The following STAG1 variants were observed in gnomAD, a reference collection of about 807,000 sequenced individuals.
STAG1 encodes the protein cohesin subunit SA-1.
STAG1 carries 26 observed loss-of-function variants against 170.9 expected under a neutral mutation model. The observed-to-expected ratio is 0.15, with a 90% CI of 0.11 to 0.21. STAG1 has a LOEUF of 0.21. Ranked by LOEUF, STAG1 falls within the 10% of genes least tolerant of loss-of-function variation. The probability of loss-of-function intolerance (pLI) is 1.00; values close to 1 mark genes in which losing one functional copy is unlikely to be tolerated. For synonymous variants in STAG1, 514 were observed against 497.7 expected (o/e 1.03, Z -0.44); for missense variants, 964 against 1,509.5 (o/e 0.64, Z 5.99).
intron 13 of STAG1, among the ~76,000 whole-genome samples, chr3:136,453,475 C>G (rs1559810455): frequency 6.6e-6 from 1 of 151,624 alleles, no homozygotes; most frequent in Non-Finnish European, 1.5e-5. Flanking sequence ...CCTGTAGTCC[C>G]ACCTACTCGG....
chr3:136,354,926 GA>G (rs944875950), intron 28 of STAG1, among the ~76,000 whole-genome samples: 2 of 151,668 alleles, frequency 1.3e-5, no homozygotes, highest in Non-Finnish European at 2.9e-5. Flanking sequence ...TGAAAGGATG[GA>G]AAAAAAGGTG....
At position 136,692,936 on chromosome 3, in the gene STAG1, C is replaced by T. The variant is rs72975365; in HGVS notation, c.-84+59259G>A. On this transcript the variant is annotated intron_variant, in intron 1 of 33. Transcript: ENST00000383202. Reference sequence around the variant, plus strand: ...GATGATGATGTGGCCCATAAAGAGACAGATGTATGTTTCAATAGGGAATTT... The same window carrying T: ...GATGATGATGTGGCCCATAAAGAGATAGATGTATGTTTCAATAGGGAATTT... 7.8e-3 allele frequency among the ~76,000 whole-genome samples: 1,186 copies of T among 152,156 alleles called. 13 individuals are homozygous for T. The highest frequency in any genetic ancestry group is 0.027 in the African/African-American group (1,130 of 41,510).
chr3:136,560,633 T>C lies in STAG1; in HGVS notation c.394+8132A>G, dbSNP rs79345784. Among the ~76,000 whole-genome samples, 581 of 152,336 alleles carry C rather than the reference T, an allele frequency of 3.8e-3. 14 individuals carry two copies. In the East Asian group the frequency reaches 0.068, roughly 18 times the overall value. On this transcript the variant is annotated intron_variant, in intron 5 of 33. Transcript: ENST00000383202. ...TACTACATATTGAGTTAGCCAATTC[T>C]GAGGTTTCCAATGGTAAACAGAATT...
At chr3:136,551,657 G>A (rs1312123315) in intron 5 of STAG1, among the ~76,000 whole-genome samples, 1 of 151,434 alleles carries the variant, frequency 6.6e-6, no homozygotes, top group Non-Finnish European at 1.5e-5. Flanking sequence ...CTGTTGCCCA[G>A]GCTGAAGTGC....
chr3:136,488,782 G>GT (rs1277333228), intron 9 of STAG1, among the ~76,000 whole-genome samples: 1 of 152,142 alleles, frequency 6.6e-6, no homozygotes, highest in African/African-American at 2.4e-5. Context: ...AAAATGCAGT[G>GT]TAAGTCTAAA....
intron 19 of STAG1, 103 bp from the exon 20 acceptor site, chr3:136,421,266 T>A: frequency 3.5e-6 from 2 of 576,882 alleles, no homozygotes; most frequent in Non-Finnish European, 5.5e-6. Context: ...ATTAATAGTA[T>A]ATATTCATTG....
intron 22 of STAG1, among the ~76,000 whole-genome samples, chr3:136,396,520 CTTTTTTTTTTTTTTT>C (rs146270857): frequency 9.2e-5 from 4 of 43,658 alleles, no homozygotes; most frequent in Middle Eastern, 0.022. Flanking sequence ...CGCGCCTGGC[CTTTTTTTTTTTTTTT>C]TTTTTTTTTT....
At chr3:136,455,728 T>G (rs999792988) in intron 13 of STAG1, among the ~76,000 whole-genome samples, 1 of 152,208 alleles carries the variant, frequency 6.6e-6, no homozygotes, top group African/African-American at 2.4e-5. Flanking sequence ...ATCAAATCCC[T>G]AGATGTATTT....
chr3:136,558,169 G>A (rs1423498923), intron 5 of STAG1, among the ~76,000 whole-genome samples: 13 of 152,058 alleles, frequency 8.5e-5, no homozygotes, highest in African/African-American at 3.1e-4. Flanking sequence ...AGGTGGGCAG[G>A]TCACCTGAGG....
intron 16 of STAG1, among the ~76,000 whole-genome samples, chr3:136,432,583 C>G (rs2088340124): frequency 1.3e-5 from 2 of 151,476 alleles, no homozygotes; most frequent in Admixed American, 1.3e-4. Flanking sequence ...TCTGGGCTCC[C>G]TGCAACCTCT....
intron 1 of STAG1, among the ~76,000 whole-genome samples, chr3:136,656,175 A>C (rs530022964): frequency 8.9e-4 from 136 of 152,258 alleles, no homozygotes; most frequent in African/African-American, 3.1e-3. Context: ...AAAAAAAAAA[A>C]ACACCAAATA....
chr3:136,507,424 T>C lies in STAG1; in HGVS notation c.677-4645A>G, dbSNP rs1933821309. ...TGTCACTCAGAATAGAGCACAGTGG[T>C]GCAATCACAGCTCCCTGCAGCCTCG... is the stretch of plus-strand genomic sequence containing the variant. On this transcript the variant is annotated intron_variant, in intron 7 of 33. Coordinates refer to ENST00000383202, the MANE Select transcript of STAG1 (RefSeq NM_005862.3). Among the ~76,000 whole-genome samples the C allele has an allele frequency of 2.6e-5, 4 of 152,130 alleles. No homozygotes were observed. In the South Asian group the frequency reaches 8.3e-4, roughly 32 times the overall value.
rs552393401 is a variant in STAG1, at chr3:136,380,010, T to G, written c.2278-2258A>C. Reference sequence around the variant, plus strand: ...CCAGTTAGAGTAGTCACATCTTTCGTTGAGAGCTGATATGTACCACATACT... The same window carrying G: ...CCAGTTAGAGTAGTCACATCTTTCGGTGAGAGCTGATATGTACCACATACT... On this transcript the variant is annotated intron_variant, in intron 22 of 33. Coordinates refer to ENST00000383202, the MANE Select transcript of STAG1 (RefSeq NM_005862.3). Among the ~76,000 whole-genome samples the G allele has an allele frequency of 1.4e-4, 21 of 152,014 alleles. No homozygotes were observed. The East Asian group carries it at 4.1e-3, about 29-fold the overall frequency.
intron 21 of STAG1, among the ~76,000 whole-genome samples, chr3:136,416,418 A>G (rs1231205903): frequency 2.6e-5 from 4 of 152,236 alleles, no homozygotes; most frequent in Non-Finnish European, 5.9e-5. Context: ...CCAAAATAAC[A>G]AAGACGACAA....
intron 5 of STAG1, among the ~76,000 whole-genome samples, chr3:136,555,278 G>T (rs1936564226): frequency 6.6e-6 from 1 of 151,808 alleles, no homozygotes; most frequent in South Asian, 2.1e-4. Flanking sequence ...CTGGGAGGCT[G>T]AGGCAGGAGA....
chr3:136,631,897 A>C (rs957804003), intron 1 of STAG1, among the ~76,000 whole-genome samples: 3 of 152,156 alleles, frequency 2.0e-5, no homozygotes, highest in Admixed American at 6.5e-5. Context: ...AATGTTCAAA[A>C]AATCATGTAA....
At chr3:136,567,229 A>T (rs1343119411) in intron 5 of STAG1, among the ~76,000 whole-genome samples, 1 of 152,236 alleles carries the variant, frequency 6.6e-6, no homozygotes, top group Non-Finnish European at 1.5e-5. Context: ...CTGTTGATTA[A>T]TAGGACTATA....
rs1342455293 is a variant in STAG1, at chr3:136,604,392, C to T, written c.214G>A (p.Ala72Thr). ...CCATTCTGTTGAGGGTGTCCATTAG[C>T]TCTTCCACGGCCTGCTCCTCTAATT... ...AGIRGAGRGR[A>T]NGHPQQNGEG... Residue 72 changes from alanine (A) to threonine (T), a missense_variant, in exon 4 of 34, where the codon GCT becomes ACT. Physicochemically the swap from Ala to Thr is moderately conservative, Grantham distance 58 (BLOSUM62 0). Around this residue, in one of 11 missense-constraint regions of STAG1, gnomAD observed 108 missense variants for 120.2 expected, o/e 0.90. Coordinates refer to ENST00000383202, the MANE Select transcript of STAG1 (RefSeq NM_005862.3). The T allele has an allele frequency of 6.2e-7, 1 of 1,613,860 alleles. No individual in the cohort carries two copies.
chr3:136,422,097 C>T (rs951044880), intron 19 of STAG1, among the ~76,000 whole-genome samples: 3 of 141,998 alleles, frequency 2.1e-5, no homozygotes, highest in Middle Eastern at 4.0e-3. Context: ...CGGTGAGCAA[C>T]GAACTGAGAT....
Sources: gnomAD v4.1 joint callset for allele counts (sites outside exome capture counted in the v4.1 genomes callset) on GRCh38, gnomAD v4.1.1 for gene constraint, gnomAD v4.1.1 regional missense constraint, MANE v1.5 for transcripts, NCBI Gene and HGNC (gene_info 2026-07-23, HGNC 2026-07-21) for gene names.